Variants in KBTBD11 observed in about 807,000 individuals in gnomAD.
KBTBD11 encodes the protein kelch repeat and BTB domain containing 11.
For missense variants in KBTBD11, 1,390 were observed against 1,001.8 expected (o/e 1.39, Z -5.23); for synonymous variants, 747 against 499.0 (o/e 1.50, Z -6.63).
At chr8:1,991,761 G>A (rs1021873960) in intron 1 of KBTBD11, among the ~76,000 whole-genome samples, 4 of 151,946 alleles carry the variant, frequency 2.6e-5, no homozygotes, top group African/African-American at 9.7e-5. Flanking sequence ...GGTGCCCACC[G>A]GTGAGTGGGC....
intron 1 of KBTBD11, among the ~76,000 whole-genome samples, chr8:1,994,657 A>G (rs1403744591): frequency 6.6e-6 from 1 of 152,218 alleles, no homozygotes; most frequent in Non-Finnish European, 1.5e-5. Flanking sequence ...ACACACCAGA[A>G]CAGTGCCTGG....
chr8:1,977,169 G>T (rs1047034044), intron 1 of KBTBD11, among the ~76,000 whole-genome samples: 1 of 151,884 alleles, frequency 6.6e-6, no homozygotes, highest in African/African-American at 2.4e-5. Context: ...TGTGGCCCAC[G>T]GAAGCCAAAA....
In KBTBD11 at chr8:2,002,863, C is replaced by T. The variant is rs1228530993; in HGVS notation, c.1671C>T (p.Ala557=). 1.5e-6 allele frequency: 2 copies of T among 1,374,214 alleles called. No homozygotes were observed. The highest frequency in any genetic ancestry group is 1.9e-6 in the Non-Finnish European group (2 of 1,073,014). 85.1% of individuals were successfully genotyped at this position (1,374,214 alleles called of 1,614,324 possible). The change falls in exon 2 of 2, where the codon GCC becomes GCT. Residue 557 remains alanine, a synonymous_variant. Transcript: ENST00000320248. The surrounding 1 kb of genome is among the most constrained non-coding windows in gnomAD (Gnocchi z 4.1). ...PTGLQPFRCA[A]LDGAIYCVSR... is the part of the protein sequence containing the mutation. ...GCCTGCAGCCCTTCCGCTGCGCCGC[C>T]CTGGACGGCGCCATCTACTGCGTGA...
intron 1 of KBTBD11, among the ~76,000 whole-genome samples, chr8:1,994,474 C>T (rs750785667): frequency 1.8e-4 from 28 of 152,240 alleles, no homozygotes; most frequent in Admixed American, 3.9e-4. Flanking sequence ...GGTGTCATGG[C>T]ACGGTGGCTG....
chr8:2,001,511 T>TC lies in KBTBD11; in HGVS notation c.324dup (p.Glu109ArgfsTer7). On this transcript the variant is annotated frameshift_variant, in exon 2 of 2. Transcript: ENST00000320248. LOFTEE classifies it low-confidence loss of function (END_TRUNC). ...GTGCCCGGAAGAGCCCGCGGCGCCG[T>TC]CCCCCGAACCGCGCGTTTGGCTTGA... The TC allele has an allele frequency of 7.2e-7, 1 of 1,396,514 alleles. No individual in the cohort carries two copies. The allele number at this position is 1,396,514 out of a possible 1,614,324, so 86.5% of individuals were successfully genotyped here. A position where few individuals can be genotyped will look rare whatever the true frequency, so the allele number is the denominator to read the frequency against.
rs1817471048 is a variant in KBTBD11 at position 2,003,348 on chromosome 8, CAG to C, written c.*285_*286del. The C allele has an allele frequency of 2.9e-6, 1 of 346,924 alleles. No individual in the cohort carries two copies. The highest frequency in any genetic ancestry group is 5.1e-6 in the Non-Finnish European group (1 of 196,104). The allele number at this position is 346,924 out of a possible 1,614,324, so 21.5% of individuals were successfully genotyped here. ...GCTGTGGGATCCAAAGGGTCAGCCTCAGGGTACAGTGGGGGTTCCTGAGGCAG... is the reference window on the plus strand; with the variant it reads ...GCTGTGGGATCCAAAGGGTCAGCCTCGGTACAGTGGGGGTTCCTGAGGCAG... On this transcript the variant is annotated 3_prime_UTR_variant, in exon 2 of 2. Transcript: ENST00000320248.
chr8:1,981,818 C>A (rs1187442938), intron 1 of KBTBD11, among the ~76,000 whole-genome samples: 1 of 152,200 alleles, frequency 6.6e-6, no homozygotes. Context: ...GGTTGTCAGG[C>A]CTTCAGCTTT....
At chr8:1,990,402 A>G (rs1816871075) in intron 1 of KBTBD11, among the ~76,000 whole-genome samples, 2 of 119,272 alleles carry the variant, frequency 1.7e-5, no homozygotes, top group Admixed American at 8.6e-5. Flanking sequence ...CTGTCCGGGT[A>G]GGTGCTGCCG....
At chr8:1,983,424 A>T (rs1816605785) in intron 1 of KBTBD11, among the ~76,000 whole-genome samples, 1 of 152,212 alleles carries the variant, frequency 6.6e-6, no homozygotes, top group East Asian at 1.9e-4. Flanking sequence ...TGTGCCTGCC[A>T]CCGCTCCGTG....
Position 2,001,840 on chromosome 8 carries a change from G to T in KBTBD11, c.648G>T (p.Leu216=). 2.4e-6 allele frequency: 3 copies of T among 1,230,950 alleles called. No individual in the cohort carries two copies. In the South Asian group the frequency reaches 8.3e-5, roughly 34 times the overall value. 76.3% of individuals were successfully genotyped at this position (1,230,950 alleles called of 1,614,324 possible). Residue 216 remains leucine (L), a synonymous_variant, in exon 2 of 2, where the codon CTG becomes CTT. Coordinates refer to ENST00000320248, the MANE Select transcript of KBTBD11 (RefSeq NM_014867.3). The stretch of plus-strand genomic sequence containing the variant: ...TGGCCGGCGCGCGCCGCCTGCAGCT[G>T]CCCGGCGCCGCGCAGCGCGCCACCG... ...EVVAGARRLQ[L]PGAAQRATDA...
chr8:2,001,690 C>T lies in KBTBD11; in HGVS notation c.498C>T (p.Arg166=), dbSNP rs1171026324. The T allele has an allele frequency of 2.1e-6, 3 of 1,438,376 alleles. No homozygotes were observed. Among genetic ancestry groups the T allele is most frequent in the African/African-American group, 3.0e-5 (2 of 67,042 alleles). The allele number at this position is 1,438,376 out of a possible 1,614,324, so 89.1% of individuals were successfully genotyped here. The change falls in exon 2 of 2, where the codon CGC becomes CGT. Residue 166 remains arginine, a synonymous_variant. Transcript: ENST00000320248. The part of the protein sequence containing the change: ...AVLAARSDYF[R]ARASRDVLRV... ...TGGCGGCGCGCAGCGACTACTTCCG[C>T]GCGCGCGCGTCGCGGGACGTGCTGC...
intron 1 of KBTBD11, among the ~76,000 whole-genome samples, chr8:1,982,871 A>T (rs1157043760): frequency 6.6e-6 from 1 of 151,970 alleles, no homozygotes; most frequent in Non-Finnish European, 1.5e-5. Context: ...GATTATAGGC[A>T]CACACCACCA....
Position 2,001,499 on chromosome 8 carries a change from C to G in KBTBD11, c.307C>G (p.Pro103Ala), listed in dbSNP as rs1478218754. ...TGAGGAGCGCGCGTGCCCGGAAGAG[C>G]CCGCGGCGCCGTCCCCCGAACCGCG... is the stretch of plus-strand genomic sequence containing the variant. Reference protein sequence around the residue: ...SPEERACPEEPAAPSPEPRVW... With the variant: ...SPEERACPEEAAAPSPEPRVW... The change falls in exon 2 of 2, where the codon CCC becomes GCC. Residue 103 changes from proline (P) to alanine (A), a missense_variant. By Grantham distance (27) the Pro-to-Ala change is conservative. Transcript: ENST00000320248. The G allele has an allele frequency of 7.2e-7, 1 of 1,389,944 alleles. No homozygotes were observed. The highest frequency in any genetic ancestry group is 9.3e-7 in the Non-Finnish European group (1 of 1,078,174). 86.1% of individuals were successfully genotyped at this position (1,389,944 alleles called of 1,614,324 possible).
chr8:1,999,406 G>A (rs1409811539), intron 1 of KBTBD11, among the ~76,000 whole-genome samples: 2 of 152,198 alleles, frequency 1.3e-5, no homozygotes, highest in East Asian at 3.8e-4. Context: ...TCATGTTTTG[G>A]ATGGTTGTGT....
chr8:1,980,890 T>A (rs947754070), intron 1 of KBTBD11, among the ~76,000 whole-genome samples: 3 of 152,260 alleles, frequency 2.0e-5, no homozygotes, highest in African/African-American at 2.4e-5. Context: ...GCTTGTTGCA[T>A]GGGCTGAGTT....
intron 1 of KBTBD11, among the ~76,000 whole-genome samples, chr8:1,997,141 G>A (rs1027708875): frequency 6.6e-6 from 1 of 152,132 alleles, no homozygotes; most frequent in East Asian, 1.9e-4. Context: ...CCCTCCGGCG[G>A]GGGGTGGGCG....
chr8:2,000,441 TGAG>T lies in KBTBD11; in HGVS notation c.-747_-745del, dbSNP rs1340487670. On this transcript the variant is annotated 5_prime_UTR_variant, in exon 2 of 2. Coordinates refer to ENST00000320248, the MANE Select transcript of KBTBD11 (RefSeq NM_014867.3). ...AGTGAATTACGGATGACCCCGTATA[TGAG>T]GAGGTGTGGATGCCGACACACGGGG... 6.6e-6 allele frequency: 1 copy of T among 152,180 alleles called. No homozygotes were observed. The highest frequency in any genetic ancestry group is 1.9e-4 in the East Asian group (1 of 5,160). 9.4% of individuals were successfully genotyped at this position (152,180 alleles called of 1,614,324 possible). A position where few individuals can be genotyped will look rare whatever the true frequency, so the allele number is the denominator to read the frequency against.
At chr8:1,981,121 G>T (rs1227925499) in intron 1 of KBTBD11, among the ~76,000 whole-genome samples, 1 of 152,182 alleles carries the variant, frequency 6.6e-6, no homozygotes, top group African/African-American at 2.4e-5. Flanking sequence ...GGCCAAGAGA[G>T]AGTAGGGTGA....
At chr8:1,997,332 A>G (rs1299054917) in intron 1 of KBTBD11, among the ~76,000 whole-genome samples, 1 of 151,956 alleles carries the variant, frequency 6.6e-6, no homozygotes, top group Non-Finnish European at 1.5e-5. Context: ...GCCTCAGAGG[A>G]CTGCTAGACC....
Sources: allele counts gnomAD v4.1 joint callset (sites outside exome capture counted in the v4.1 genomes callset), GRCh38; gene constraint gnomAD v4.1.1; non-coding constraint Gnocchi (gnomAD v3.1); transcripts MANE v1.5; gene names NCBI Gene and HGNC (gene_info 2026-07-23, HGNC 2026-07-21).